Variants in CEP112 observed in about 807,000 individuals in gnomAD.
CEP112 encodes the protein centrosomal protein of 112 kDa.
CEP112 carries 127 observed loss-of-function variants against 153.0 expected under a neutral mutation model. The observed-to-expected ratio is 0.83, with a 90% confidence interval of 0.72 to 0.96. The LOEUF is 0.96. Among genes scored for constraint, CEP112 ranks in the 40% least tolerant of loss-of-function variants. CEP112 has a pLI of 0.00. For missense variants in CEP112, 1,089 were observed against 1,101.2 expected (o/e 0.99, Z 0.16); for synonymous variants, 358 against 374.4 (o/e 0.96, Z 0.51).
chr17:65,954,030 C>T (rs910696038), intron 18 of CEP112, among the ~76,000 whole-genome samples: 2 of 152,212 alleles, frequency 1.3e-5, no homozygotes, highest in Admixed American at 1.3e-4. Context: ...CACCTCCCGG[C>T]TGGAGGCCAA....
intron 23 of CEP112, among the ~76,000 whole-genome samples, chr17:65,718,787 G>A (rs1248256576): frequency 6.6e-6 from 1 of 152,224 alleles, no homozygotes; most frequent in Non-Finnish European, 1.5e-5. Flanking sequence ...TGACGATTGA[G>A]AAGGGACAGA....
At chr17:65,837,951 G>A (rs541790499) in intron 21 of CEP112, among the ~76,000 whole-genome samples, 11 of 152,018 alleles carry the variant, frequency 7.2e-5, no homozygotes, top group Admixed American at 4.6e-4. Context: ...CAAACACTGC[G>A]GAAGGCGGCA....
intron 20 of CEP112, among the ~76,000 whole-genome samples, chr17:65,870,541 T>C (rs775455722): frequency 9.8e-5 from 15 of 152,288 alleles, no homozygotes; most frequent in Middle Eastern, 3.4e-3. Flanking sequence ...TCAAATAGAA[T>C]TATAAAAGTA....
chr17:65,997,736 T>C (rs55800170), intron 17 of CEP112, among the ~76,000 whole-genome samples: 62,114 of 151,442 alleles, frequency 0.41, 14,173 homozygotes, highest in East Asian at 0.87. Flanking sequence ...TATGTTTTTA[T>C]ATAAATATAA....
At chr17:65,642,549 T>C (rs895099453) in intron 24 of CEP112, among the ~76,000 whole-genome samples, 1 of 152,230 alleles carries the variant, frequency 6.6e-6, no homozygotes, top group East Asian at 1.9e-4. Flanking sequence ...ATCCTGTGAC[T>C]TATACCTAAA....
chr17:65,805,334 C>T (rs1304458690), intron 21 of CEP112, among the ~76,000 whole-genome samples: 1 of 152,142 alleles, frequency 6.6e-6, no homozygotes, highest in Admixed American at 6.6e-5. Flanking sequence ...GCTCATGCTA[C>T]TTGTTGTATA....
rs546520005 is a variant in CEP112, at chr17:66,031,974, G to A, written c.1219-1951C>T. On this transcript the variant is annotated intron_variant, in intron 12 of 26. Transcript: ENST00000535342. ...CCTCAGAAAAGCAACACACAGAGAA[G>A]TGGGCACCACACCAGCAGTTTTCTC... Among the ~76,000 whole-genome samples, 116 of 152,242 alleles carry A rather than the reference G, an allele frequency of 7.6e-4. 2 individuals are homozygous for A. The South Asian group carries it at 0.012, about 16-fold the overall frequency.
chr17:65,802,579 A>C (rs2055344382), intron 21 of CEP112, among the ~76,000 whole-genome samples: 1 of 152,128 alleles, frequency 6.6e-6, no homozygotes. Flanking sequence ...CTTTATCTTC[A>C]ATTCTTCACT....
intron 24 of CEP112, among the ~76,000 whole-genome samples, chr17:65,674,470 A>T (rs1025354553): frequency 2.6e-5 from 4 of 152,162 alleles, no homozygotes; most frequent in African/African-American, 9.7e-5. Flanking sequence ...AGCTGAACAA[A>T]TCTTTCTTTT....
intron 20 of CEP112, among the ~76,000 whole-genome samples, chr17:65,855,869 G>A (rs2058104027): frequency 6.6e-6 from 1 of 152,102 alleles, no homozygotes; most frequent in African/African-American, 2.4e-5. Context: ...TTCAAGACCA[G>A]CCTTGGCAAT....
chr17:66,111,199 CA>C (rs1180577340), intron 6 of CEP112, among the ~76,000 whole-genome samples: 1 of 152,008 alleles, frequency 6.6e-6, no homozygotes, highest in African/African-American at 2.4e-5. Flanking sequence ...TAAACAAAAT[CA>C]AAAAATAACA....
intron 21 of CEP112, among the ~76,000 whole-genome samples, chr17:65,787,262 G>A (rs923231098): frequency 3.3e-5 from 5 of 152,140 alleles, no homozygotes; most frequent in African/African-American, 9.7e-5. Flanking sequence ...GGAGGACTGC[G>A]TGAAGCCAGG....
intron 23 of CEP112, among the ~76,000 whole-genome samples, chr17:65,735,964 C>T (rs2050780803): frequency 2.0e-5 from 3 of 152,052 alleles, no homozygotes; most frequent in Non-Finnish European, 4.4e-5. Context: ...TAATGGAAAG[C>T]CATTGATGAA....
chr17:66,028,246 A>G (rs989028865), intron 15 of CEP112, 67 bp downstream of exon 15: 15 of 921,470 alleles, frequency 1.6e-5, no homozygotes, highest in Non-Finnish European at 2.4e-5. Context: ...TTGACTCTCA[A>G]TGATACATCT....
chr17:65,749,033 T>G (rs1186501949), intron 22 of CEP112, among the ~76,000 whole-genome samples: 1 of 152,228 alleles, frequency 6.6e-6, no homozygotes, highest in African/African-American at 2.4e-5. Context: ...CTAAATAGAT[T>G]TCTTTTGATT....
chr17:65,911,371 A>T (rs2060276815), intron 19 of CEP112, among the ~76,000 whole-genome samples: 1 of 152,218 alleles, frequency 6.6e-6, no homozygotes, highest in Non-Finnish European at 1.5e-5. Flanking sequence ...AGGTGGAAGG[A>T]AATATGGGCA....
chr17:65,940,951 T>A (rs2061487326), intron 18 of CEP112, among the ~76,000 whole-genome samples: 1 of 152,184 alleles, frequency 6.6e-6, no homozygotes, highest in African/African-American at 2.4e-5. Flanking sequence ...TCATCTACAT[T>A]GTGTGCATGT....
intron 4 of CEP112, among the ~76,000 whole-genome samples, chr17:66,155,401 C>G (rs888596105): frequency 6.6e-6 from 1 of 152,096 alleles, no homozygotes; most frequent in Non-Finnish European, 1.5e-5. Context: ...ACCCACAGAC[C>G]AGGAGATTCC....
At chr17:65,966,962 G>A (rs889112701) in intron 17 of CEP112, among the ~76,000 whole-genome samples, 3 of 152,150 alleles carry the variant, frequency 2.0e-5, no homozygotes, top group African/African-American at 7.2e-5. Flanking sequence ...AAGGAACTGG[G>A]GCAGTGTCTA....
Sources: allele counts gnomAD v4.1 joint callset (sites outside exome capture counted in the v4.1 genomes callset), GRCh38; gene constraint gnomAD v4.1.1; transcripts MANE v1.5; gene names NCBI Gene and HGNC (gene_info 2026-07-23, HGNC 2026-07-21).